The following OGN variants were observed in gnomAD, a reference collection of about 807,000 sequenced individuals.
OGN encodes osteoglycin, also known as mimecan.
A neutral mutation model predicts 30.8 loss-of-function variants in OGN; 19 were observed. The ratio of observed to expected loss-of-function variants is 0.62; its 90% confidence interval spans 0.43 to 0.90. The LOEUF is 0.90. Ranked by LOEUF, OGN falls within the 40% of genes least tolerant of loss-of-function variation. OGN has a pLI of 0.00. For synonymous variants in OGN, 126 were observed against 128.3 expected, an observed-to-expected ratio of 0.98 and a Z score of 0.12; for missense variants, 283 against 349.7, an observed-to-expected ratio of 0.81 and a Z score of 1.52.
Position 92,387,307 on chromosome 9 carries a change from T to TGGAGGTTGCAGTGAGCCG in OGN, c.631-1029_631-1012dup, listed in dbSNP as rs1193063058. On this transcript the variant is annotated intron_variant, in intron 5 of 6. Transcript: ENST00000375561. ...AGGAGAATTGCTTGAACCCAGGGGG[T>TGGAGGTTGCAGTGAGCCG]GGAGGTTGCAGTGAGCCGAGATTGT... 4.0e-5 allele frequency among the ~76,000 whole-genome samples: 6 copies of TGGAGGTTGCAGTGAGCCG among 148,694 alleles called. No homozygotes were observed. The East Asian group carries it at 1.0e-3, about 25-fold the overall frequency.
chr9:92,403,460 G>C lies in OGN; in HGVS notation c.-53C>G. Reference sequence around the variant, plus strand: ...TTAATAAACTAGTGGCCTGCTGACTGTGGGACAAAACTCTCTTTTTCCCTG... The same window carrying C: ...TTAATAAACTAGTGGCCTGCTGACTCTGGGACAAAACTCTCTTTTTCCCTG... On this transcript the variant is annotated 5_prime_UTR_variant, in exon 2 of 7. Coordinates refer to ENST00000375561, the MANE Select transcript of OGN (RefSeq NM_014057.5). 6.5e-7 allele frequency: 1 copy of C among 1,545,308 alleles called. No homozygotes were observed. The highest frequency in any genetic ancestry group is 8.7e-7 in the Non-Finnish European group (1 of 1,149,382).
intron 3 of OGN, among the ~76,000 whole-genome samples, chr9:92,399,855 T>C (rs1274904518): frequency 1.3e-5 from 2 of 152,166 alleles, no homozygotes; most frequent in Non-Finnish European, 2.9e-5. Flanking sequence ...ATTTCATTGA[T>C]CTTTTTGTCT....
At position 92,403,226 on chromosome 9, in the gene OGN, T is replaced by A. The variant is rs1843191184; in HGVS notation, c.174+8A>T. Reference sequence around the variant, plus strand: ...TTAGAAGCTAAATTTAGAATAGAAATAAAGTACCTTAATATTTTTTCCATC... The same window carrying A: ...TTAGAAGCTAAATTTAGAATAGAAAAAAAGTACCTTAATATTTTTTCCATC... On this transcript the variant is annotated splice_region_variant and intron_variant, in intron 2 of 6. Transcript: ENST00000375561. The A allele has an allele frequency of 5.2e-6, 8 of 1,531,206 alleles. No homozygotes were observed. Among genetic ancestry groups the A allele is most frequent in the African/African-American group, 4.1e-5 (3 of 72,544 alleles). The allele number at this position is 1,531,206 out of a possible 1,614,324, so 94.9% of individuals were successfully genotyped here.
At chr9:92,393,062 A>G in intron 4 of OGN, 24 bp downstream of exon 4, 2 of 1,599,058 alleles carry the variant, frequency 1.3e-6, no homozygotes, top group Non-Finnish European at 1.7e-6. Context: ...GTTAATACTA[A>G]TATCATATTT....
chr9:92,383,928 T>C lies in OGN; in HGVS notation c.*1692A>G, dbSNP rs1178949987. On this transcript the variant is annotated 3_prime_UTR_variant, in exon 7 of 7. Coordinates refer to ENST00000375561, the MANE Select transcript of OGN (RefSeq NM_014057.5). ...AGATGACAGTCATTCAAGATTATGA[T>C]AGTTTAAAGATTCAATTTTTCCAAA... 4 of 152,196 alleles carry C rather than the reference T, an allele frequency of 2.6e-5. No homozygotes were observed. The highest frequency in any genetic ancestry group is 9.6e-5 in the African/African-American group (4 of 41,472). The allele number at this position is 152,196 out of a possible 1,614,324, so 9.4% of individuals were successfully genotyped here. A position where few individuals can be genotyped will look rare whatever the true frequency, so the allele number is the denominator to read the frequency against.
intron 5 of OGN, among the ~76,000 whole-genome samples, chr9:92,388,318 C>T (rs770921670): frequency 2.6e-5 from 4 of 151,784 alleles, no homozygotes; most frequent in Admixed American, 1.3e-4. Flanking sequence ...CCCACCACCA[C>T]GCCTAGCTAA....
chr9:92,403,144 T>C, intron 2 of OGN, 90 bp downstream of exon 2: 1 of 797,760 alleles, frequency 1.3e-6, no homozygotes, highest in Non-Finnish European at 2.0e-6. Context: ...TCCCTTCCCC[T>C]TACCTTATCA....
intron 5 of OGN, among the ~76,000 whole-genome samples, chr9:92,387,920 C>T (rs200174493): frequency 5.9e-5 from 9 of 151,914 alleles, no homozygotes; most frequent in East Asian, 5.8e-4. Context: ...CCCACCACCA[C>T]GCCCAGCTAA....
At position 92,403,617 on chromosome 9, in the gene OGN, G is replaced by A. The variant is rs1843208843; in HGVS notation, c.-75-135C>T. 3 of 1,208,578 alleles carry A rather than the reference G, an allele frequency of 2.5e-6. No homozygotes were observed. In the African/African-American group the frequency reaches 4.7e-5, roughly 19 times the overall value. 74.9% of individuals were successfully genotyped at this position (1,208,578 alleles called of 1,614,324 possible). A position where few individuals can be genotyped will look rare whatever the true frequency, so the allele number is the denominator to read the frequency against. On this transcript the variant is annotated intron_variant, in intron 1 of 6. Transcript: ENST00000375561. Reference sequence around the variant, plus strand: ...TTAATTAGATGCTAGCAGTTTTTATGTATCAGTGAACATTCTGAAAAATAG... The same window carrying A: ...TTAATTAGATGCTAGCAGTTTTTATATATCAGTGAACATTCTGAAAAATAG...
intron 5 of OGN, among the ~76,000 whole-genome samples, chr9:92,387,286 G>GAATT (rs1347433019): frequency 2.0e-5 from 3 of 151,490 alleles, no homozygotes; most frequent in African/African-American, 7.3e-5. Flanking sequence ...TGAGGCAGGA[G>GAATT]AATTGCTTGA....
At chr9:92,404,074 A>G (rs1222622527) in intron 1 of OGN, among the ~76,000 whole-genome samples, 1 of 152,206 alleles carries the variant, frequency 6.6e-6, no homozygotes, top group East Asian at 1.9e-4. Flanking sequence ...CTGAAAGAAT[A>G]GTATTGCAGG....
intron 6 of OGN, 54 bp downstream of exon 6, chr9:92,386,147 A>C: frequency 6.6e-6 from 9 of 1,367,712 alleles, no homozygotes; most frequent in Non-Finnish European, 2.1e-6. Flanking sequence ...ATGAGTCACA[A>C]GATTTTGACT....
intron 5 of OGN, among the ~76,000 whole-genome samples, chr9:92,386,628 G>A (rs1295798148): frequency 1.3e-5 from 2 of 152,126 alleles, no homozygotes; most frequent in Non-Finnish European, 2.9e-5. Flanking sequence ...CTAATGAGGT[G>A]AGTCCCTATG....
In OGN at chr9:92,385,446, T is replaced by C. The variant is rs144616934; in HGVS notation, c.*174A>G. On this transcript the variant is annotated 3_prime_UTR_variant, in exon 7 of 7. Transcript: ENST00000375561. ...CTTTGTTTCGAACGTAGACATTCAGTCTTACTTTTTACTTATTATATGTAA... is the reference window on the plus strand; with the variant it reads ...CTTTGTTTCGAACGTAGACATTCAGCCTTACTTTTTACTTATTATATGTAA... 132 of 573,814 alleles carry C rather than the reference T, an allele frequency of 2.3e-4. 1 individual carries two copies. The highest frequency in any genetic ancestry group is 2.1e-3 in the African/African-American group (112 of 52,872). The allele number at this position is 573,814 out of a possible 1,614,324, so 35.5% of individuals were successfully genotyped here. A position where few individuals can be genotyped will look rare whatever the true frequency, so the allele number is the denominator to read the frequency against.
At chr9:92,387,538 T>G (rs1267087641) in intron 5 of OGN, among the ~76,000 whole-genome samples, 1 of 152,148 alleles carries the variant, frequency 6.6e-6, no homozygotes, top group Non-Finnish European at 1.5e-5. Context: ...CTGACATTAC[T>G]CTTTTACCTT....
At chr9:92,387,983 C>T (rs148318646) in intron 5 of OGN, among the ~76,000 whole-genome samples, 4,667 of 149,242 alleles carry the variant, frequency 0.031, 115 homozygotes, top group South Asian at 0.085. Flanking sequence ...AGGCTGGTCT[C>T]GAACTCTTGA....
intron 3 of OGN, among the ~76,000 whole-genome samples, chr9:92,394,246 T>C (rs1842800464): frequency 6.6e-6 from 1 of 152,030 alleles, no homozygotes; most frequent in African/African-American, 2.4e-5. Context: ...TTATTTTATT[T>C]ACTTACTTAT....
rs779041245 is a variant in OGN, at chr9:92,385,595, C to A, written c.*25G>T. 24 of 1,602,080 alleles carry A rather than the reference C, an allele frequency of 1.5e-5. No individual in the cohort carries two copies. The East Asian group carries it at 4.7e-4, about 31-fold the overall frequency. On this transcript the variant is annotated 3_prime_UTR_variant, in exon 7 of 7. Coordinates refer to ENST00000375561, the MANE Select transcript of OGN (RefSeq NM_014057.5). The stretch of plus-strand genomic sequence containing the variant: ...CAGACTATTAGTGTAGGTGTACTTT[C>A]ATTTATATGTTGTACCAATAGAGGT...
chr9:92,390,514 A>C (rs146696690), intron 4 of OGN, among the ~76,000 whole-genome samples: 1 of 152,310 alleles, frequency 6.6e-6, no homozygotes, highest in African/African-American at 2.4e-5. Flanking sequence ...CAACAAAGAC[A>C]AAGATGTTCC....
Sources: gnomAD v4.1 joint callset for allele counts (sites outside exome capture counted in the v4.1 genomes callset) on GRCh38, gnomAD v4.1.1 for gene constraint, MANE v1.5 for transcripts, NCBI Gene and HGNC (gene_info 2026-07-23, HGNC 2026-07-21) for gene names.